The following MGAM variants were observed in gnomAD, a reference collection of about 807,000 sequenced individuals.
MGAM encodes alpha-1,4-glucosidase.
In MGAM, 253 loss-of-function variants were observed where a neutral mutation model predicts 358.8. The ratio of observed to expected loss-of-function variants is 0.71; its 90% CI spans 0.64 to 0.78. The LOEUF (loss-of-function observed/expected upper bound fraction) is 0.78, where lower values mean the gene tolerates loss of function less well. Ranked by LOEUF, MGAM falls within the 30% of genes least tolerant of loss-of-function variation. The pLI is 0.00. For synonymous variants in MGAM, 1,105 were observed against 1,227.1 expected (o/e 0.90, Z 2.08); for missense variants, 3,080 against 3,432.6 (o/e 0.90, Z 2.57).
In MGAM at chr7:142,078,244, A is replaced by C. The variant is rs867000637; in HGVS notation, c.5494-74A>C. The C allele has an allele frequency of 1.5e-5, 17 of 1,151,000 alleles. 1 individual carries two copies. The Middle Eastern group carries it at 6.0e-4, about 41-fold the overall frequency. The allele number at this position is 1,151,000 out of a possible 1,614,324, so 71.3% of individuals were successfully genotyped here. ...CTATTTGTTTTTCCAAAATAAATAAATAAATAAAGTCTTAGATTTTGCAAG... is the reference window on the plus strand; with the variant it reads ...CTATTTGTTTTTCCAAAATAAATAACTAAATAAAGTCTTAGATTTTGCAAG... On this transcript the variant is annotated intron_variant, in intron 47 of 70. Coordinates refer to ENST00000475668, the MANE Select transcript of MGAM (RefSeq NM_001365693.1).
In MGAM at chr7:142,081,253, C is replaced by T. The variant is rs1330694119; in HGVS notation, c.6002+308C>T. Reference sequence around the variant, plus strand: ...ATGACAACAAATAATAAGTAAATAACAGAGATAATTTAAGTTATAGTATAA... The same window carrying T: ...ATGACAACAAATAATAAGTAAATAATAGAGATAATTTAAGTTATAGTATAA... On this transcript the variant is annotated intron_variant, in intron 50 of 70. Coordinates refer to ENST00000475668, the MANE Select transcript of MGAM (RefSeq NM_001365693.1). Among the ~76,000 whole-genome samples the T allele has an allele frequency of 1.4e-5, 2 of 146,114 alleles. 1 individual carries two copies. The highest frequency in any genetic ancestry group is 4.0e-4 in the East Asian group (2 of 4,982).
At chr7:142,022,139 A>G (rs984560906) in intron 6 of MGAM, 129 bp from the exon 7 acceptor site, 36 of 856,236 alleles carry the variant, frequency 4.2e-5, no homozygotes, top group Non-Finnish European at 5.8e-5. Flanking sequence ...AAAATGTCAC[A>G]GGAGGGCAAA....
chr7:142,043,904 A>G (rs199792738), intron 21 of MGAM, among the ~76,000 whole-genome samples: 17 of 62,268 alleles, frequency 2.7e-4, no homozygotes, highest in South Asian at 1.0e-3. Context: ...CATTATATAC[A>G]CATACGACGT....
In MGAM at chr7:142,056,154, T is replaced by A. The variant is rs149482492; in HGVS notation, c.3580+58T>A. The A allele has an allele frequency of 2.2e-4, 330 of 1,493,238 alleles. 7 individuals are homozygous for A. In the East Asian group the frequency reaches 4.5e-3, roughly 20 times the overall value. 92.5% of individuals were successfully genotyped at this position (1,493,238 alleles called of 1,614,324 possible). The stretch of plus-strand genomic sequence containing the variant: ...GGATACCAATCATGCCTGAGTCAAT[T>A]TACAATGTGTTTAGCCTAACTGTTC... On this transcript the variant is annotated intron_variant, in intron 29 of 70. Transcript: ENST00000475668.
intron 16 of MGAM, 65 bp from the exon 17 acceptor site, chr7:142,036,104 G>A: frequency 8.2e-7 from 1 of 1,226,154 alleles, no homozygotes; most frequent in Non-Finnish European, 1.2e-6. Context: ...GAGGTCCCTG[G>A]TGGAAAGCAA....
rs1167783983 is a variant in MGAM at position 142,086,324 on chromosome 7, G to T, written c.6743G>T (p.Gly2248Val). The T allele has an allele frequency of 1.5e-5, 23 of 1,528,370 alleles. 4 individuals are homozygous for T. Among genetic ancestry groups the T allele is most frequent in the Non-Finnish European group, 1.9e-5 (21 of 1,116,176 alleles). 94.7% of individuals were successfully genotyped at this position (1,528,370 alleles called of 1,614,324 possible). ...CCAAATGATGGAGACATTGTCTGGG[G>T]AAAGGTATAATCCTAAGCGATGATC... Reference protein sequence around the residue: ...KYPNDGDIVWGKVWPDFPDVV... With the variant: ...KYPNDGDIVWVKVWPDFPDVV... Residue 2248 changes from glycine to valine, a missense_variant, in exon 56 of 71, where the codon GGA becomes GTA. Around this residue, in one of 5 missense-constraint regions of MGAM, gnomAD observed 932 missense variants for 1,198.2 expected, o/e 0.78. Coordinates refer to ENST00000475668, the MANE Select transcript of MGAM (RefSeq NM_001365693.1).
At position 142,054,773 on chromosome 7, in the gene MGAM, A is replaced by G. The variant is rs544377960; in HGVS notation, c.3179A>G (p.Asn1060Ser). 276 of 1,613,862 alleles carry G rather than the reference A, an allele frequency of 1.7e-4. 7 individuals are homozygous for G. The highest frequency in any genetic ancestry group is 1.6e-3 in the South Asian group (146 of 91,066). ...LQFKIYDPNK[N>S]RYEVPVPLNI... is the part of the protein sequence containing the mutation. The stretch of plus-strand genomic sequence containing the variant: ...GCCTAGATTTATGATCCCAACAAGA[A>G]TCGGTATGAAGTTCCAGTCCCTCTG... The change falls in exon 27 of 71, where the codon AAT (asparagine) becomes AGT (serine). Residue 1060 changes from asparagine (N) to serine (S), a missense_variant. Asn to Ser is a conservative substitution (Grantham distance 46). Transcript: ENST00000475668.
intron 3 of MGAM, among the ~76,000 whole-genome samples, chr7:142,015,521 T>C (rs781915775): frequency 2.6e-5 from 4 of 152,072 alleles, no homozygotes; most frequent in Non-Finnish European, 5.9e-5. Flanking sequence ...AAAAAAAGAA[T>C]CTAATATAAT....
intron 1 of MGAM, among the ~76,000 whole-genome samples, chr7:142,000,180 T>A (rs1554450200): frequency 6.6e-6 from 1 of 152,094 alleles, no homozygotes; most frequent in African/African-American, 2.4e-5. Flanking sequence ...GTCAGAAATA[T>A]GGGGGTGAGT....
intron 57 of MGAM, among the ~76,000 whole-genome samples, chr7:142,087,022 C>A (rs117065367): frequency 0.024 from 2,484 of 104,092 alleles, 541 homozygotes; most frequent in Non-Finnish European, 0.033. Flanking sequence ...TACAAAGGCC[C>A]AAGAAATTCC....
intron 64 of MGAM, 173 bp from the exon 65 acceptor site, chr7:142,096,158 C>A: frequency 1.5e-6 from 1 of 666,546 alleles, no homozygotes; most frequent in East Asian, 2.7e-5. Flanking sequence ...GAGGCACATC[C>A]CATGGGGAAA....
chr7:142,005,730 T>C, intron 2 of MGAM, 73 bp downstream of exon 2: 2 of 1,455,826 alleles, frequency 1.4e-6, no homozygotes, highest in Non-Finnish European at 1.9e-6. Flanking sequence ...GTCAGGAAAG[T>C]AATGCTTTCA....
intron 26 of MGAM, among the ~76,000 whole-genome samples, chr7:142,053,696 A>G (rs1382210933): frequency 6.6e-6 from 1 of 152,176 alleles, no homozygotes; most frequent in Non-Finnish European, 1.5e-5. Flanking sequence ...AGCCTGGCCG[A>G]TAGTGCTGTA....
chr7:142,042,058 T>TAG lies in MGAM; in HGVS notation c.2498+1213_2498+1214insGA, dbSNP rs1198944884. Among the ~76,000 whole-genome samples the TAG allele has an allele frequency of 4.8e-3, 359 of 74,088 alleles. 8 individuals are homozygous for TAG. Among genetic ancestry groups the TAG allele is most frequent in the Middle Eastern group, 0.017 (2 of 116 alleles). 48.6% of individuals were successfully genotyped at this position (74,088 alleles called of 152,430 possible). A position where few individuals can be genotyped will look rare whatever the true frequency, so the allele number is the denominator to read the frequency against. ...ATATACATATAATATATAATATATA[T>TAG]ACATATAATATATAACATACAATAT... On this transcript the variant is annotated intron_variant, in intron 21 of 70. Transcript: ENST00000475668.
At position 142,076,940 on chromosome 7, in the gene MGAM, T is replaced by A. The variant is rs1813799896; in HGVS notation, c.5493+114T>A. On this transcript the variant is annotated intron_variant, in intron 47 of 70. Transcript: ENST00000475668. ...AGTACCAGGGCACCTTTGATGCATG[T>A]TTTGGGGAATTGAGAGGGCACCTTT... 2.5e-6 allele frequency: 3 copies of A among 1,208,292 alleles called. 1 individual carries two copies. Among genetic ancestry groups the A allele is most frequent in the African/African-American group, 1.5e-5 (1 of 68,494 alleles). The allele number at this position is 1,208,292 out of a possible 1,614,324, so 74.8% of individuals were successfully genotyped here. A position where few individuals can be genotyped will look rare whatever the true frequency, so the allele number is the denominator to read the frequency against.
chr7:142,069,244 G>T (rs1028494923), intron 43 of MGAM, among the ~76,000 whole-genome samples: 1 of 145,934 alleles, frequency 6.9e-6, no homozygotes, highest in Non-Finnish European at 1.6e-5. Flanking sequence ...CCCAACCCTT[G>T]TGTGTCTAAG....
intron 42 of MGAM, among the ~76,000 whole-genome samples, chr7:142,067,965 A>ATATATAAATATAT (rs1812963514): frequency 3.3e-5 from 1 of 30,112 alleles, no homozygotes; most frequent in African/African-American, 1.1e-4. Context: ...TATATATATA[A>ATATATAAATATAT]ATATATATAT....
At chr7:142,083,829 G>A (rs1396875954) in intron 53 of MGAM, among the ~76,000 whole-genome samples, 3 of 143,862 alleles carry the variant, frequency 2.1e-5, no homozygotes. Flanking sequence ...TGGTGATGGT[G>A]GTGATAGTGG....
intron 45 of MGAM, 149 bp from the exon 46 acceptor site, chr7:142,076,054 A>G (rs1388709319): frequency 7.5e-6 from 5 of 664,582 alleles, no homozygotes; most frequent in Admixed American, 7.5e-5. Flanking sequence ...ACATTGATGA[A>G]TGAATACAAT....
Sources: allele counts gnomAD v4.1 joint callset (sites outside exome capture counted in the v4.1 genomes callset), GRCh38; gene constraint gnomAD v4.1.1; regional missense constraint gnomAD v4.1.1; transcripts MANE v1.5; gene names NCBI Gene and HGNC (gene_info 2026-07-23, HGNC 2026-07-21).